Variants in ATRNL1 observed in about 807,000 individuals in gnomAD.
ATRNL1 encodes the protein attractin like 1.
In ATRNL1, 95 loss-of-function variants were observed where a neutral mutation model predicts 182.7. The observed-to-expected ratio is 0.52, with a 90% CI of 0.44 to 0.62. The LOEUF is 0.62. Ranked by LOEUF, ATRNL1 falls within the 20% of genes least tolerant of loss-of-function variation. The pLI is 0.00. For missense variants in ATRNL1, 1,471 were observed against 1,679.5 expected (o/e 0.88, Z 2.17); for synonymous variants, 576 against 568.3 (o/e 1.01, Z -0.19).
At chr10:115,849,292 A>T (rs1950999675) in intron 28 of ATRNL1, among the ~76,000 whole-genome samples, 1 of 152,180 alleles carries the variant, frequency 6.6e-6, no homozygotes, top group Non-Finnish European at 1.5e-5. Context: ...CAATAAGTAA[A>T]ATAGTTTGGC....
chr10:115,098,390 C>T (rs1228699749), intron 1 of ATRNL1, among the ~76,000 whole-genome samples: 20 of 150,692 alleles, frequency 1.3e-4, no homozygotes, highest in African/African-American at 4.7e-4. Flanking sequence ...GAACTCTTTC[C>T]TCTCTGGTCT....
intron 11 of ATRNL1, 81 bp downstream of exon 11, chr10:115,265,358 A>G: frequency 1.2e-6 from 1 of 852,708 alleles, no homozygotes; most frequent in Non-Finnish European, 1.8e-6. Flanking sequence ...TCTTTTTGAA[A>G]ATTATCATTG....
intron 22 of ATRNL1, among the ~76,000 whole-genome samples, chr10:115,466,149 A>G (rs1258612681): frequency 6.6e-6 from 1 of 151,454 alleles, no homozygotes; most frequent in African/African-American, 2.4e-5. Context: ...CTGTTATATC[A>G]GAAAAGGGGA....
intron 28 of ATRNL1, among the ~76,000 whole-genome samples, chr10:115,854,256 C>T (rs1951125277): frequency 1.3e-5 from 2 of 152,160 alleles, no homozygotes; most frequent in Non-Finnish European, 2.9e-5. Context: ...TTAAAATGCC[C>T]TTTCCTCAAT....
chr10:115,110,386 C>T (rs1844206715), intron 1 of ATRNL1, among the ~76,000 whole-genome samples: 1 of 152,100 alleles, frequency 6.6e-6, no homozygotes, highest in South Asian at 2.1e-4. Flanking sequence ...GGGAGCCATG[C>T]CTGAAAGTAC....
chr10:115,201,515 A>G (rs1848577438), intron 8 of ATRNL1, among the ~76,000 whole-genome samples: 1 of 152,084 alleles, frequency 6.6e-6, no homozygotes, highest in African/African-American at 2.4e-5. Flanking sequence ...CGTTTTTCTC[A>G]GGTTTGTCAA....
At chr10:115,677,827 G>T (rs1347331102) in intron 26 of ATRNL1, among the ~76,000 whole-genome samples, 1 of 151,952 alleles carries the variant, frequency 6.6e-6, no homozygotes, top group African/African-American at 2.4e-5. Context: ...GCACCACATT[G>T]AGTCTCTGCA....
chr10:115,128,949 C>T (rs1845101664), intron 4 of ATRNL1, among the ~76,000 whole-genome samples: 1 of 151,810 alleles, frequency 6.6e-6, no homozygotes, highest in South Asian at 2.1e-4. Flanking sequence ...CTTGACTTCT[C>T]ATATAGTTTT....
At chr10:115,533,322 T>A (rs534679895) in intron 25 of ATRNL1, among the ~76,000 whole-genome samples, 99 of 152,234 alleles carry the variant, frequency 6.5e-4, no homozygotes, top group African/African-American at 2.1e-3. Flanking sequence ...CTTCTTGGTT[T>A]AGTCTTGGGA....
At chr10:115,903,745 A>G (rs1555113987) in intron 28 of ATRNL1, among the ~76,000 whole-genome samples, 2 of 152,038 alleles carry the variant, frequency 1.3e-5, no homozygotes, top group African/African-American at 2.4e-5. Context: ...GTAAAACCAC[A>G]TTTTCCTCCA....
chr10:115,657,287 A>G (rs1202153591), intron 26 of ATRNL1, among the ~76,000 whole-genome samples: 1 of 152,324 alleles, frequency 6.6e-6, no homozygotes, highest in Non-Finnish European at 1.5e-5. Flanking sequence ...TATTCATAGA[A>G]TTAGCAGAAA....
chr10:115,880,299 A>G (rs1238560542), intron 28 of ATRNL1, among the ~76,000 whole-genome samples: 5 of 152,282 alleles, frequency 3.3e-5, no homozygotes, highest in Admixed American at 3.3e-4. Context: ...AAGTGAAGGA[A>G]TCCCAGGCTT....
chr10:115,747,960 C>G (rs1948340947), intron 27 of ATRNL1, among the ~76,000 whole-genome samples: 1 of 151,948 alleles, frequency 6.6e-6, no homozygotes, highest in Non-Finnish European at 1.5e-5. Context: ...GAGTCTGGCT[C>G]TTATAACCTA....
chr10:115,414,947 G>A (rs1554960606), intron 20 of ATRNL1, among the ~76,000 whole-genome samples: 1 of 151,722 alleles, frequency 6.6e-6, no homozygotes, highest in East Asian at 1.9e-4. Context: ...ATCTATTCGG[G>A]GACATTTAGA....
At chr10:115,323,728 G>A (rs1554932269) in intron 18 of ATRNL1, among the ~76,000 whole-genome samples, 1 of 151,664 alleles carries the variant, frequency 6.6e-6, no homozygotes, top group East Asian at 1.9e-4. Context: ...ACAGGCATGA[G>A]CCACCGTGCC....
At chr10:115,407,448 T>C (rs1844886216) in intron 20 of ATRNL1, among the ~76,000 whole-genome samples, 1 of 152,176 alleles carries the variant, frequency 6.6e-6, no homozygotes, top group Non-Finnish European at 1.5e-5. Flanking sequence ...ATCAACTTTT[T>C]TTTTTTAGCT....
intron 26 of ATRNL1, among the ~76,000 whole-genome samples, chr10:115,683,659 A>G (rs1555045440): frequency 6.7e-6 from 1 of 148,896 alleles, no homozygotes; most frequent in African/African-American, 2.5e-5. Flanking sequence ...CTAAGGTTTT[A>G]TAACAAATTG....
chr10:115,590,267 G>A (rs1555011765), intron 26 of ATRNL1, among the ~76,000 whole-genome samples: 2 of 152,172 alleles, frequency 1.3e-5, no homozygotes, highest in Non-Finnish European at 2.9e-5. Context: ...TTAAGCACAT[G>A]ACTGACTTTT....
At chr10:115,907,039 G>T (rs1555114731) in intron 28 of ATRNL1, among the ~76,000 whole-genome samples, 1 of 152,124 alleles carries the variant, frequency 6.6e-6, no homozygotes. Context: ...TCAGATTAGG[G>T]ATGCTCAACC....
Sources: allele counts gnomAD v4.1 joint callset (sites outside exome capture counted in the v4.1 genomes callset), GRCh38; gene constraint gnomAD v4.1.1; transcripts MANE v1.5; gene names NCBI Gene and HGNC (gene_info 2026-07-23, HGNC 2026-07-21).